The following RBFOX1 variants were observed in gnomAD, a reference collection of about 807,000 sequenced individuals.
RBFOX1 encodes RNA binding protein fox-1 homolog 1.
In RBFOX1, 8 loss-of-function variants were observed where a neutral mutation model predicts 57.7. The observed-to-expected ratio is 0.14, with a 90% CI of 0.08 to 0.25. The LOEUF is 0.25. Among genes scored for constraint, RBFOX1 ranks in the 10% least tolerant of loss-of-function variants. The pLI is 1.00. For synonymous variants in RBFOX1, 326 were observed against 222.4 expected, an observed-to-expected ratio of 1.47 and a Z score of -4.15; for missense variants, 611 against 548.5, an observed-to-expected ratio of 1.11 and a Z score of -1.14.
chr16:6,821,154 C>T (rs943340326), intron 3 of RBFOX1, among the ~76,000 whole-genome samples: 28 of 152,240 alleles, frequency 1.8e-4, no homozygotes, highest in Non-Finnish European at 2.9e-4. Flanking sequence ...TTTATCTGCC[C>T]ATGTTCATGA....
chr16:7,412,919 G>C lies in RBFOX1; in HGVS notation c.28-105228G>C, dbSNP rs553932268. 8.7e-4 allele frequency among the ~76,000 whole-genome samples: 133 copies of C among 152,268 alleles called. 3 individuals carry two copies. The South Asian group carries it at 0.027, about 30-fold the overall frequency. On this transcript the variant is annotated intron_variant, in intron 4 of 15. Transcript: ENST00000550418. ...TGGCCAGGCGCCATGGTGGGCGCCT[G>C]CAGTCCCAGCTACTCGGGAGGCTGA...
chr16:6,418,766 C>T (rs2093695865), intron 2 of RBFOX1, among the ~76,000 whole-genome samples: 2 of 152,048 alleles, frequency 1.3e-5, no homozygotes. Flanking sequence ...GGTCCTTAAT[C>T]AGTCCCCCTG....
intron 3 of RBFOX1, among the ~76,000 whole-genome samples, chr16:5,814,768 A>C (rs1186097229): frequency 2.0e-5 from 3 of 152,126 alleles, no homozygotes; most frequent in Non-Finnish European, 4.4e-5. Flanking sequence ...CTCTACTAAA[A>C]ATACAAAAAA....
rs1009619399 is a variant in RBFOX1 at position 7,544,139 on chromosome 16, A to G, written c.270+25750A>G. ...ACCAGGAAAGCCTGAATTGAAACCA[A>G]CGCTTACTCCTAAAGACTGGGCTTT... On this transcript the variant is annotated intron_variant, in intron 5 of 15. Coordinates refer to ENST00000550418, the MANE Select transcript of RBFOX1 (RefSeq NM_018723.4). 3.3e-4 allele frequency among the ~76,000 whole-genome samples: 50 copies of G among 152,208 alleles called. 1 individual carries two copies. The highest frequency in any genetic ancestry group is 6.2e-4 in the Non-Finnish European group (42 of 68,042).
intron 3 of RBFOX1, among the ~76,000 whole-genome samples, chr16:5,759,896 C>A (rs941202957): frequency 8.6e-5 from 13 of 152,044 alleles, no homozygotes; most frequent in African/African-American, 2.7e-4. Context: ...CTGCAACCAC[C>A]TGCAGTTTTA....
At chr16:6,963,460 C>T (rs529169115) in intron 3 of RBFOX1, among the ~76,000 whole-genome samples, 1 of 152,088 alleles carries the variant, frequency 6.6e-6, no homozygotes, top group Non-Finnish European at 1.5e-5. Context: ...TTATCTCATG[C>T]TGTCTGAACC....
At chr16:6,947,893 C>A (rs1229992372) in intron 3 of RBFOX1, among the ~76,000 whole-genome samples, 1 of 152,266 alleles carries the variant, frequency 6.6e-6, no homozygotes, top group East Asian at 1.9e-4. Flanking sequence ...TCTCCTGCCT[C>A]AGCCCCCCAA....
chr16:6,365,966 T>G (rs2089524287), intron 2 of RBFOX1, among the ~76,000 whole-genome samples: 3 of 151,454 alleles, frequency 2.0e-5, no homozygotes. Context: ...TACTTTCCCC[T>G]CCTTCTCTGG....
At chr16:7,666,702 A>C (rs918523857) in intron 13 of RBFOX1, among the ~76,000 whole-genome samples, 6 of 152,202 alleles carry the variant, frequency 3.9e-5, no homozygotes, top group African/African-American at 1.4e-4. Flanking sequence ...GAATCCACAG[A>C]GCAATGCAAA....
chr16:6,466,247 T>A (rs941069015), intron 2 of RBFOX1, among the ~76,000 whole-genome samples: 1 of 151,410 alleles, frequency 6.6e-6, no homozygotes, highest in Non-Finnish European at 1.5e-5. Flanking sequence ...AAAAAAAGGA[T>A]TAAGGATTAA....
intron 4 of RBFOX1, among the ~76,000 whole-genome samples, chr16:7,259,251 G>T (rs1369437747): frequency 6.6e-6 from 1 of 152,030 alleles, no homozygotes; most frequent in Non-Finnish European, 1.5e-5. Context: ...AAGGAAGGAA[G>T]GCTTTCGCTA....
At chr16:6,533,411 C>A (rs1013968902) in intron 2 of RBFOX1, among the ~76,000 whole-genome samples, 1 of 152,166 alleles carries the variant, frequency 6.6e-6, no homozygotes, top group Non-Finnish European at 1.5e-5. Context: ...GATGCTGTTA[C>A]CAGCACTGTG....
chr16:7,274,875 G>A (rs1178018903), intron 4 of RBFOX1, among the ~76,000 whole-genome samples: 2 of 151,904 alleles, frequency 1.3e-5, no homozygotes, highest in East Asian at 1.9e-4. Flanking sequence ...AGTAGAGAGT[G>A]GATTTTGCCA....
At chr16:6,614,241 A>G (rs1050922026) in intron 2 of RBFOX1, among the ~76,000 whole-genome samples, 1 of 152,182 alleles carries the variant, frequency 6.6e-6, no homozygotes. Context: ...GCAAGTAAGG[A>G]TGTCTGAAAT....
intron 1 of RBFOX1, among the ~76,000 whole-genome samples, chr16:5,350,012 C>A (rs1220721831): frequency 1.3e-5 from 2 of 152,232 alleles, no homozygotes; most frequent in Non-Finnish European, 2.9e-5. Flanking sequence ...ACTTCACAGT[C>A]ATTTCTGTGG....
intron 3 of RBFOX1, among the ~76,000 whole-genome samples, chr16:5,645,277 A>G (rs1032528910): frequency 8.4e-5 from 2 of 23,924 alleles, no homozygotes; most frequent in Non-Finnish European, 0.017. Context: ...AACAAAAACA[A>G]AAAAAAAAAC....
intron 3 of RBFOX1, among the ~76,000 whole-genome samples, chr16:6,899,550 G>C (rs1336555129): frequency 1.3e-5 from 2 of 152,124 alleles, no homozygotes; most frequent in African/African-American, 4.8e-5. Flanking sequence ...CCTGGATGTA[G>C]ATTACAACTC....
At position 7,518,193 on chromosome 16, in the gene RBFOX1, A is replaced by T. The variant is rs1292542162; in HGVS notation, c.74A>T (p.Tyr25Phe). Residue 25 changes from tyrosine (Y) to phenylalanine (F), a missense_variant, in exon 5 of 16, where the codon TAC (tyrosine) becomes TTC (phenylalanine). By Grantham distance (22) the Tyr-to-Phe change is conservative (BLOSUM62 3). Coordinates refer to ENST00000550418, the MANE Select transcript of RBFOX1 (RefSeq NM_018723.4). ...AAAPDTMAQP[Y>F]ASAQFAPPQN... ...GCCCCTGACACAATGGCTCAGCCTT[A>T]CGCTTCGGCCCAGTTTGCTCCCCCG... The T allele has an allele frequency of 6.2e-7, 1 of 1,613,920 alleles. No individual in the cohort carries two copies. Among genetic ancestry groups the T allele is most frequent in the Non-Finnish European group, 8.5e-7 (1 of 1,179,962 alleles).
chr16:6,518,879 G>A (rs186873452), intron 2 of RBFOX1, among the ~76,000 whole-genome samples: 25 of 151,452 alleles, frequency 1.7e-4, no homozygotes, highest in South Asian at 1.5e-3. Context: ...AACGTGCCCC[G>A]TTCTTCCCTG....
Sources: allele counts gnomAD v4.1 joint callset (sites outside exome capture counted in the v4.1 genomes callset), GRCh38; gene constraint gnomAD v4.1.1; transcripts MANE v1.5; gene names NCBI Gene and HGNC (gene_info 2026-07-23, HGNC 2026-07-21).